Variants in TMPRSS9 observed in about 807,000 individuals in gnomAD.
The protein encoded by TMPRSS9 is transmembrane protease serine 9.
In TMPRSS9, 113 loss-of-function variants were observed where a neutral mutation model predicts 111.4. The ratio of observed to expected loss-of-function variants is 1.01; its 90% CI spans 0.87 to 1.19. The LOEUF is 1.19. TMPRSS9 is among the 50% of genes most tolerant of loss of function. The probability of loss-of-function intolerance (pLI) is 0.00; values close to 1 mark genes in which losing one functional copy is unlikely to be tolerated. For missense variants in TMPRSS9, 1,803 were observed against 1,513.1 expected, an observed-to-expected ratio of 1.19 and a Z score of -3.18; for synonymous variants, 805 against 659.1, an observed-to-expected ratio of 1.22 and a Z score of -3.39.
At chr19:2,396,056 G>C (rs1487639445) in intron 1 of TMPRSS9, 2 of 153,396 alleles carry the variant, frequency 1.3e-5, no homozygotes, top group African/African-American at 4.8e-5. Context: ...TGACCTCATG[G>C]GACTGTGGCC....
Position 2,420,621 on chromosome 19 carries a change from A to G in TMPRSS9, c.2155-1233A>G, listed in dbSNP as rs1372002037. Among the ~76,000 whole-genome samples the G allele has an allele frequency of 2.0e-5, 3 of 151,700 alleles. No individual in the cohort carries two copies. In the East Asian group the frequency reaches 5.9e-4, roughly 30 times the overall value. ...CCTACCCAGCCCAAGTTCTTCAATCAGACTTCTGAGTTCAAATCCTGCTTC... is the reference window on the plus strand; with the variant it reads ...CCTACCCAGCCCAAGTTCTTCAATCGGACTTCTGAGTTCAAATCCTGCTTC... On this transcript the variant is annotated intron_variant, in intron 13 of 17. Transcript: ENST00000648592.
At chr19:2,360,912 G>T (rs569286087) in intron 1 of TMPRSS9, among the ~76,000 whole-genome samples, 1 of 151,462 alleles carries the variant, frequency 6.6e-6, no homozygotes, top group African/African-American at 2.4e-5. Flanking sequence ...ACGTAGCCGG[G>T]ATTGTGTGGA....
chr19:2,402,049 G>A, intron 5 of TMPRSS9, 33 bp downstream of exon 6: 1 of 1,602,074 alleles, frequency 6.2e-7, no homozygotes, highest in South Asian at 1.1e-5. Flanking sequence ...TTCTCTGATT[G>A]CAGTTACTGA....
At chr19:2,379,617 CTT>C (rs1568170714) in intron 1 of TMPRSS9, among the ~76,000 whole-genome samples, 10 of 103,892 alleles carry the variant, frequency 9.6e-5, no homozygotes, top group Non-Finnish European at 1.6e-4. Context: ...CTTTCTTTCT[CTT>C]TCTTTCTTTC....
chr19:2,402,310 G>A (rs575881217), intron 5 of TMPRSS9, among the ~76,000 whole-genome samples: 13 of 152,080 alleles, frequency 8.5e-5, no homozygotes, highest in South Asian at 4.2e-4. Context: ...GCATAGTGGC[G>A]TATTGCCTGT....
upstream of TMPRSS9, among the ~76,000 whole-genome samples, chr19:2,386,429 T>C (rs192603932): frequency 0.042 from 6,218 of 149,038 alleles, 141 homozygotes; most frequent in African/African-American, 0.05. Flanking sequence ...GGCGTGAACC[T>C]GGGAGGCGGA....
chr19:2,409,906 A>G (rs536570583), intron 8 of TMPRSS9, among the ~76,000 whole-genome samples: 1 of 152,024 alleles, frequency 6.6e-6, no homozygotes, highest in East Asian at 1.9e-4. Context: ...GATTCTGTGT[A>G]TATTTGGGGG....
chr19:2,370,489 G>A (rs1035230805), intron 1 of TMPRSS9, among the ~76,000 whole-genome samples: 3 of 151,524 alleles, frequency 2.0e-5, no homozygotes, highest in African/African-American at 7.3e-5. Context: ...CACCATGCCT[G>A]GCTCATTATT....
intron 14 of TMPRSS9, among the ~76,000 whole-genome samples, chr19:2,423,272 C>T (rs1017158024): frequency 6.6e-6 from 1 of 151,702 alleles, no homozygotes; most frequent in African/African-American, 2.4e-5. Flanking sequence ...TGGAGAAGGC[C>T]CCCCTCAAAA....
At chr19:2,423,051 T>TA (rs1568193423) in intron 14 of TMPRSS9, among the ~76,000 whole-genome samples, 1 of 144,624 alleles carries the variant, frequency 6.9e-6, no homozygotes, top group East Asian at 2.0e-4. Flanking sequence ...AGCCTGTCTC[T>TA]AAAAAAATTA....
rs529767552 is a variant in TMPRSS9, at chr19:2,422,522, A to G, written c.2548+275A>G. Among the ~76,000 whole-genome samples the G allele has an allele frequency of 7.2e-5, 11 of 152,362 alleles. No homozygotes were observed. In the South Asian group the frequency reaches 1.9e-3, roughly 26 times the overall value. ...CATGAAGCCGGGAGGCGGAGCTTGC[A>G]GTGAGCTGCATGCCACTGCACTCCA... On this transcript the variant is annotated intron_variant, in intron 14 of 17. Coordinates refer to ENST00000648592, the Ensembl canonical transcript of TMPRSS9.
At chr19:2,425,073 AGCGCGTGGC>A (rs1568194891) in exon 16 of TMPRSS9, 1 of 1,573,392 alleles carries the variant, frequency 6.4e-7, no homozygotes, top group Non-Finnish European at 8.6e-7. Flanking sequence ...GGGCAGCTGG[AGCGCGTGGC>A]GCGCATCTAC....
chr19:2,412,471 C>G (rs1309248420), intron 9 of TMPRSS9, among the ~76,000 whole-genome samples: 1 of 152,134 alleles, frequency 6.6e-6, no homozygotes, highest in Non-Finnish European at 1.5e-5. Context: ...TATTCACTTT[C>G]TCTTGGCGAG....
chr19:2,410,276 T>C, exon 9 of TMPRSS9: 9 of 1,613,980 alleles, frequency 5.6e-6, no homozygotes, highest in South Asian at 1.1e-5. Flanking sequence ...CCAGAGGTGC[T>C]GCAGAAAGCC....
chr19:2,379,609 T>TTC (rs1187114180), intron 1 of TMPRSS9, among the ~76,000 whole-genome samples: 5 of 137,422 alleles, frequency 3.6e-5, no homozygotes, highest in East Asian at 2.1e-4. Flanking sequence ...TAAACTAACT[T>TTC]TCTTTCTCTT....
chr19:2,373,584 C>T (rs80072873), intron 1 of TMPRSS9, among the ~76,000 whole-genome samples: 1,679 of 149,678 alleles, frequency 0.011, 17 homozygotes, highest in East Asian at 0.091. Context: ...AGGGTGGTCT[C>T]GAACTCCTGA....
chr19:2,383,598 G>A (rs12982566), intron 1 of TMPRSS9, among the ~76,000 whole-genome samples: 61 of 95,970 alleles, frequency 6.4e-4, no homozygotes, highest in East Asian at 4.2e-3. Flanking sequence ...GGCCTCCCAA[G>A]GTGCTGGGAT....
At position 2,425,337 on chromosome 19, in the gene TMPRSS9, T is replaced by C. The variant is rs1476640891; in HGVS notation, c.2984-20T>C. ...CCGGACGCGGTCCCCACCCGCCCCG[T>C]CTCGCTCGCCCGCCCGCAGGCTCCA... On this transcript the variant is annotated intron_variant, in intron 16 of 17. Transcript: ENST00000648592. 4.8e-6 allele frequency: 7 copies of C among 1,443,738 alleles called. No homozygotes were observed. Among genetic ancestry groups the C allele is most frequent in the Admixed American group, 2.5e-5 (1 of 40,464 alleles). The allele number at this position is 1,443,738 out of a possible 1,614,324, so 89.4% of individuals were successfully genotyped here. A position where few individuals can be genotyped will look rare whatever the true frequency, so the allele number is the denominator to read the frequency against.
rs148035167 is a variant in TMPRSS9, at chr19:2,400,242, T to C, written c.514+1049T>C. ...AGAATCAAGGATAAATGCTACACTC[T>C]AATAAAATTGTATGGAAGGCCGGGT... On this transcript the variant is annotated intron_variant, in intron 4 of 17. Coordinates refer to ENST00000648592, the Ensembl canonical transcript of TMPRSS9. Among the ~76,000 whole-genome samples the C allele has an allele frequency of 2.3e-3, 355 of 152,370 alleles. 2 individuals are homozygous for C. Among genetic ancestry groups the C allele is most frequent in the African/African-American group, 8.3e-3 (346 of 41,598 alleles).
Sources: gnomAD v4.1 joint callset for allele counts (sites outside exome capture counted in the v4.1 genomes callset) on GRCh38, gnomAD v4.1.1 for gene constraint, MANE v1.5 for transcripts, NCBI Gene and HGNC (gene_info 2026-07-23, HGNC 2026-07-21) for gene names.